Variants in TMEM178A observed in about 807,000 individuals in gnomAD.
TMEM178A encodes transmembrane protein 178A.
Under a neutral mutation model 29.1 loss-of-function variants are expected in TMEM178A, and 12 were observed. The observed-to-expected ratio is 0.41, with a 90% confidence interval of 0.26 to 0.67. The LOEUF (loss-of-function observed/expected upper bound fraction) is 0.67, where lower values mean the gene tolerates loss of function less well. Among genes scored for constraint, TMEM178A ranks in the 30% least tolerant of loss-of-function variants. The probability of loss-of-function intolerance (pLI) is 0.29; values close to 1 mark genes in which losing one functional copy is unlikely to be tolerated. For missense variants in TMEM178A, 366 were observed against 419.1 expected (o/e 0.87, Z 1.11); for synonymous variants, 210 against 187.2 (o/e 1.12, Z -0.99).
intron 1 of TMEM178A, among the ~76,000 whole-genome samples, chr2:39,703,761 T>C (rs1174102712): frequency 1.3e-5 from 2 of 152,238 alleles, no homozygotes; most frequent in Non-Finnish European, 2.9e-5. Context: ...TCTGTGCTAA[T>C]TTAAAATTCT....
At chr2:39,715,724 G>A (rs941576698) in intron 3 of TMEM178A, among the ~76,000 whole-genome samples, 6 of 152,204 alleles carry the variant, frequency 3.9e-5, no homozygotes, top group African/African-American at 1.2e-4. Flanking sequence ...ACATTTGGAA[G>A]CGGATTCAGG....
Position 39,709,166 on chromosome 2 carries a change from G to A in TMEM178A, c.652+1980G>A, listed in dbSNP as rs78567842. Reference sequence around the variant, plus strand: ...GTTTGCTGACTGTCTGTCTCTGAGCGTTGACGGGTAGGGGGTACTTTGCCC... The same window carrying A: ...GTTTGCTGACTGTCTGTCTCTGAGCATTGACGGGTAGGGGGTACTTTGCCC... On this transcript the variant is annotated intron_variant, in intron 3 of 3. Coordinates refer to ENST00000281961, the MANE Select transcript of TMEM178A (RefSeq NM_152390.3). Among the ~76,000 whole-genome samples, 1,118 of 152,340 alleles carry A rather than the reference G, an allele frequency of 7.3e-3. 14 individuals carry two copies. The highest frequency in any genetic ancestry group is 0.024 in the African/African-American group (998 of 41,576).
At position 39,698,660 on chromosome 2, in the gene TMEM178A, G is replaced by A. The variant is rs527384466; in HGVS notation, c.401-5421G>A. 3.6e-4 allele frequency among the ~76,000 whole-genome samples: 55 copies of A among 151,182 alleles called. No individual in the cohort carries two copies. The Middle Eastern group carries it at 0.014, about 38-fold the overall frequency. On this transcript the variant is annotated intron_variant, in intron 1 of 3. Coordinates refer to ENST00000281961, the MANE Select transcript of TMEM178A (RefSeq NM_152390.3). ...GGTTTTTCATATCAGGGTAATAATG[G>A]CCTCATAGAAAGAAGTAGGAAGTTT...
chr2:39,731,430 C>T, the TMEM178A span, among the ~76,000 whole-genome samples: 1 of 152,120 alleles, frequency 6.6e-6, no homozygotes, highest in East Asian at 1.9e-4. Flanking sequence ...CATGGGCTGG[C>T]TCAAAATATG....
At chr2:39,701,237 TAG>T (rs1671769217) in intron 1 of TMEM178A, among the ~76,000 whole-genome samples, 1 of 152,176 alleles carries the variant, frequency 6.6e-6, no homozygotes, top group Non-Finnish European at 1.5e-5. Context: ...CCAGGTCTGC[TAG>T]TGATAGATTC....
At chr2:39,665,850 C>G, upstream of TMEM178A, 1 of 779,720 alleles carries the variant, frequency 1.3e-6, no homozygotes, top group Non-Finnish European at 1.6e-6. Flanking sequence ...GCGAGGAGGC[C>G]GTAGGAGGGA....
At chr2:39,709,502 A>T (rs990404) in intron 3 of TMEM178A, among the ~76,000 whole-genome samples, 3,386 of 152,278 alleles carry the variant, frequency 0.022, 115 homozygotes, top group African/African-American at 0.076. Context: ...GACCCTCAAG[A>T]CCAGCCACTG....
intron 1 of TMEM178A, among the ~76,000 whole-genome samples, chr2:39,694,830 AT>A (rs1671469392): frequency 6.6e-6 from 1 of 152,196 alleles, no homozygotes; most frequent in Non-Finnish European, 1.5e-5. Flanking sequence ...AATTTGCATT[AT>A]ATTTCTACCG....
intron 1 of TMEM178A, among the ~76,000 whole-genome samples, chr2:39,691,180 A>C (rs1671304729): frequency 6.6e-6 from 1 of 152,238 alleles, no homozygotes; most frequent in East Asian, 1.9e-4. Flanking sequence ...AAACTTCCTA[A>C]ATCTGAGGAG....
At chr2:39,687,911 C>G (rs1257615992) in intron 1 of TMEM178A, among the ~76,000 whole-genome samples, 1 of 152,218 alleles carries the variant, frequency 6.6e-6, no homozygotes, top group Non-Finnish European at 1.5e-5. Flanking sequence ...GATGCAAATT[C>G]AATCCCATCT....
In TMEM178A at chr2:39,687,288, G is replaced by A. The variant is rs1381938802; in HGVS notation, c.401-16793G>A. 15 of 167,012 alleles carry A rather than the reference G, an allele frequency of 9.0e-5. No individual in the cohort carries two copies. In the Admixed American group the frequency reaches 9.8e-4, roughly 11 times the overall value. The allele number at this position is 167,012 out of a possible 1,614,324, so 10.3% of individuals were successfully genotyped here. A position where few individuals can be genotyped will look rare whatever the true frequency, so the allele number is the denominator to read the frequency against. On this transcript the variant is annotated intron_variant, in intron 1 of 3. Coordinates refer to ENST00000281961, the MANE Select transcript of TMEM178A (RefSeq NM_152390.3). The stretch of plus-strand genomic sequence containing the variant: ...GGGGTGGGTGGGTACGTTCAGGTAG[G>A]AGGAAGTATAAGGAATTCAGTTTAG...
intron 1 of TMEM178A, among the ~76,000 whole-genome samples, chr2:39,668,285 C>T (rs534168933): frequency 4.6e-5 from 7 of 152,302 alleles, no homozygotes; most frequent in South Asian, 4.1e-4. Context: ...CCAGTACTTC[C>T]GTAAGACGGA....
chr2:39,711,875 C>A (rs1234052894), intron 3 of TMEM178A, among the ~76,000 whole-genome samples: 2 of 152,090 alleles, frequency 1.3e-5, no homozygotes, highest in Non-Finnish European at 2.9e-5. Context: ...ATCTTGAAAT[C>A]AAATACATTA....
At chr2:39,705,194 C>T (rs1184429070) in intron 2 of TMEM178A, among the ~76,000 whole-genome samples, 5 of 152,228 alleles carry the variant, frequency 3.3e-5, no homozygotes, top group Admixed American at 3.3e-4. Flanking sequence ...CCCAGCAAGG[C>T]AGTATTTGAA....
chr2:39,670,598 A>G (rs1670372296), intron 1 of TMEM178A, among the ~76,000 whole-genome samples: 1 of 152,228 alleles, frequency 6.6e-6, no homozygotes, highest in Non-Finnish European at 1.5e-5. Context: ...GTTCTCTCCC[A>G]AGTGCAGTAT....
At chr2:39,688,273 C>G (rs1315991961) in intron 1 of TMEM178A, among the ~76,000 whole-genome samples, 4 of 152,236 alleles carry the variant, frequency 2.6e-5, no homozygotes, top group Non-Finnish European at 5.9e-5. Context: ...TTTCCTAGAA[C>G]TACACTAAAG....
Position 39,717,220 on chromosome 2 carries a change from A to G in TMEM178A, c.863A>G (p.Gln288Arg), listed in dbSNP as rs1672584420. 6.2e-7 allele frequency: 1 copy of G among 1,613,566 alleles called. No individual in the cohort carries two copies. The highest frequency in any genetic ancestry group is 1.7e-5 in the Admixed American group (1 of 59,918). ...YPFISRTKIA[Q>R]LKSGRDSTV is the part of the protein sequence containing the mutation. ...TTTATTAGCCGGACCAAGATTGCAC[A>G]GCTAAAGTCTGGCAGAGACTCCACG... The change falls in exon 4 of 4, where the codon CAG becomes CGG. Residue 288 changes from glutamine (Q) to arginine (R), a missense_variant. By Grantham distance (43) the Gln-to-Arg change is conservative (BLOSUM62 1). Coordinates refer to ENST00000281961, the MANE Select transcript of TMEM178A (RefSeq NM_152390.3).
chr2:39,706,953 A>G, intron 2 of TMEM178A, 96 bp from the exon 3 acceptor site: 1 of 1,421,572 alleles, frequency 7.0e-7, no homozygotes, highest in East Asian at 2.3e-5. Context: ...CATGTAACTT[A>G]CTAATTTTCA....
At chr2:39,698,938 T>C (rs1045517644) in intron 1 of TMEM178A, among the ~76,000 whole-genome samples, 21 of 152,184 alleles carry the variant, frequency 1.4e-4, no homozygotes, top group African/African-American at 5.1e-4. Flanking sequence ...TTTTATCTAA[T>C]TTGTTGGCAT....
Sources: gnomAD v4.1 joint callset for allele counts (sites outside exome capture counted in the v4.1 genomes callset) on GRCh38, gnomAD v4.1.1 for gene constraint, MANE v1.5 for transcripts, NCBI Gene and HGNC (gene_info 2026-07-23, HGNC 2026-07-21) for gene names.